The following GALNTL6 variants were observed in gnomAD, a reference collection of about 807,000 sequenced individuals.
The protein encoded by GALNTL6 is polypeptide N-acetylgalactosaminyltransferase-like 6.
In GALNTL6, 46 loss-of-function variants were observed where a neutral mutation model predicts 73.7. The ratio of observed to expected loss-of-function variants is 0.62; its 90% CI spans 0.49 to 0.80. The LOEUF (loss-of-function observed/expected upper bound fraction) is 0.80, where lower values mean the gene tolerates loss of function less well. GALNTL6 is among the 30% of genes least tolerant of loss of function. GALNTL6 has a pLI of 0.00. For missense variants in GALNTL6, 604 were observed against 755.0 expected (o/e 0.80, Z 2.34); for synonymous variants, 259 against 263.7 (o/e 0.98, Z 0.17).
intron 2 of GALNTL6, among the ~76,000 whole-genome samples, chr4:171,881,192 C>A (rs1013519091): frequency 2.6e-5 from 4 of 152,152 alleles, no homozygotes; most frequent in Admixed American, 6.5e-5. Flanking sequence ...GAATCCAATA[C>A]ATTAATTTCA....
At chr4:172,269,395 G>A (rs541126067) in intron 3 of GALNTL6, among the ~76,000 whole-genome samples, 6 of 152,306 alleles carry the variant, frequency 3.9e-5, no homozygotes, top group Middle Eastern at 3.4e-3. Context: ...CTGCACTTCT[G>A]CACTTTGCTG....
At chr4:172,744,031 C>T (rs756428317) in intron 5 of GALNTL6, among the ~76,000 whole-genome samples, 31 of 152,076 alleles carry the variant, frequency 2.0e-4, no homozygotes, top group Non-Finnish European at 3.2e-4. Context: ...GGGGAAACTC[C>T]AAGAGTTCTA....
At chr4:172,066,467 T>A (rs1017488590) in intron 2 of GALNTL6, among the ~76,000 whole-genome samples, 12 of 152,168 alleles carry the variant, frequency 7.9e-5, no homozygotes, top group African/African-American at 2.9e-4. Context: ...AAGTTTCTAT[T>A]TCTTTGCTTG....
chr4:172,416,759 A>G (rs1458583305), intron 5 of GALNTL6, among the ~76,000 whole-genome samples: 1 of 152,158 alleles, frequency 6.6e-6, no homozygotes, highest in African/African-American at 2.4e-5. Context: ...AGAGATGATT[A>G]TAGTCATGTA....
chr4:172,985,448 A>C (rs867143409), intron 10 of GALNTL6, among the ~76,000 whole-genome samples: 1 of 152,024 alleles, frequency 6.6e-6, no homozygotes, highest in African/African-American at 2.4e-5. Context: ...TAAGTACTAC[A>C]TCTTGGTAAC....
chr4:172,238,913 G>A (rs796199195), intron 3 of GALNTL6, among the ~76,000 whole-genome samples: 1 of 152,070 alleles, frequency 6.6e-6, no homozygotes, highest in Admixed American at 6.5e-5. Flanking sequence ...TTATTGATTT[G>A]CATATGTTGA....
chr4:172,967,643 CAG>C (rs59118934), intron 10 of GALNTL6, among the ~76,000 whole-genome samples: 9 of 150,978 alleles, frequency 6.0e-5, no homozygotes, highest in African/African-American at 7.3e-5. Flanking sequence ...TATTTTGGAA[CAG>C]AGAGAGAGAG....
intron 5 of GALNTL6, among the ~76,000 whole-genome samples, chr4:172,418,794 T>C (rs905095247): frequency 3.9e-5 from 6 of 152,184 alleles, no homozygotes; most frequent in Non-Finnish European, 7.3e-5. Flanking sequence ...TATATCCACA[T>C]TAAGATGTAC....
At chr4:172,202,025 TG>T (rs1285368191) in intron 2 of GALNTL6, among the ~76,000 whole-genome samples, 2 of 152,174 alleles carry the variant, frequency 1.3e-5, no homozygotes, top group African/African-American at 2.4e-5. Context: ...AACCATCATA[TG>T]GAAGAACACC....
At chr4:172,167,484 G>A (rs563901819) in intron 2 of GALNTL6, among the ~76,000 whole-genome samples, 39 of 152,298 alleles carry the variant, frequency 2.6e-4, no homozygotes, top group Admixed American at 2.4e-3. Context: ...TAATTGTAAT[G>A]AGTCATTATA....
chr4:172,912,975 G>A (rs1015609164), intron 8 of GALNTL6, among the ~76,000 whole-genome samples: 9 of 152,162 alleles, frequency 5.9e-5, no homozygotes, highest in Admixed American at 2.0e-4. Flanking sequence ...AGTAGGGGCC[G>A]ACTGACACCT....
chr4:172,568,766 A>AG (rs1287706140), intron 5 of GALNTL6, among the ~76,000 whole-genome samples: 1 of 150,232 alleles, frequency 6.7e-6, no homozygotes, highest in Non-Finnish European at 1.5e-5. Context: ...TCAAAAAAAA[A>AG]AAAAAAAAAA....
chr4:171,847,109 G>A (rs898127567), intron 2 of GALNTL6, among the ~76,000 whole-genome samples: 2 of 151,654 alleles, frequency 1.3e-5, no homozygotes, highest in African/African-American at 2.4e-5. Context: ...AAACTTTGTA[G>A]AACACACCTT....
chr4:172,186,971 T>C (rs990099900), intron 2 of GALNTL6, among the ~76,000 whole-genome samples: 7 of 152,130 alleles, frequency 4.6e-5, no homozygotes, highest in African/African-American at 7.2e-5. Context: ...TTTGTTTTTT[T>C]AAAATTGGTA....
intron 5 of GALNTL6, among the ~76,000 whole-genome samples, chr4:172,555,988 A>C (rs1349603465): frequency 6.6e-6 from 1 of 152,086 alleles, no homozygotes; most frequent in Non-Finnish European, 1.5e-5. Flanking sequence ...TTTAGTGTCT[A>C]GATTGCTTTG....
At chr4:172,330,695 A>C (rs567953283) in intron 4 of GALNTL6, among the ~76,000 whole-genome samples, 1 of 152,236 alleles carries the variant, frequency 6.6e-6, no homozygotes, top group South Asian at 2.1e-4. Context: ...GTTAAGCTTC[A>C]CTGAGCTTTT....
At chr4:172,060,322 A>G (rs1477568920) in intron 2 of GALNTL6, among the ~76,000 whole-genome samples, 1 of 152,200 alleles carries the variant, frequency 6.6e-6, no homozygotes, top group Non-Finnish European at 1.5e-5. Flanking sequence ...CTGCATATAT[A>G]TGCACACAAA....
chr4:172,862,841 T>G (rs1463521265), intron 7 of GALNTL6, among the ~76,000 whole-genome samples: 1 of 152,200 alleles, frequency 6.6e-6, no homozygotes, highest in Non-Finnish European at 1.5e-5. Context: ...GTCAGAGAAC[T>G]TCACAGCAGC....
chr4:172,122,889 C>T (rs192967638), intron 2 of GALNTL6, among the ~76,000 whole-genome samples: 2 of 151,310 alleles, frequency 1.3e-5, no homozygotes, highest in East Asian at 3.9e-4. Context: ...CTGGAGAAAT[C>T]CAGAAGAATT....
Sources: allele counts gnomAD v4.1 joint callset (sites outside exome capture counted in the v4.1 genomes callset), GRCh38; gene constraint gnomAD v4.1.1; transcripts MANE v1.5; gene names NCBI Gene and HGNC (gene_info 2026-07-23, HGNC 2026-07-21).